The following TMEM74 variants were observed in gnomAD, a reference collection of about 807,000 sequenced individuals.
TMEM74 encodes transmembrane protein 74.
Under a neutral mutation model 18.1 loss-of-function variants are expected in TMEM74, and 13 were observed. The observed-to-expected ratio is 0.72, with a 90% CI of 0.47 to 1.14. The LOEUF (loss-of-function observed/expected upper bound fraction) is 1.14. TMEM74 is among the 50% of genes most tolerant of loss of function. TMEM74 has a pLI of 0.00. For missense variants in TMEM74, 372 were observed against 375.9 expected (o/e 0.99, Z 0.09); for synonymous variants, 159 against 146.6 (o/e 1.08, Z -0.61).
At chr8:108,775,273 C>T (rs1332622078), downstream of TMEM74, among the ~76,000 whole-genome samples, 1 of 152,156 alleles carries the variant, frequency 6.6e-6, no homozygotes, top group African/African-American at 2.4e-5. Flanking sequence ...CAAGGCCCCT[C>T]ATTCAAGGCC....
chr8:108,686,364 A>G (rs1396719001), intron 1 of TMEM74, among the ~76,000 whole-genome samples: 1 of 150,224 alleles, frequency 6.7e-6, no homozygotes, highest in East Asian at 1.9e-4. Flanking sequence ...GCGCCCGGCT[A>G]ATTTTTTTTT....
chr8:108,632,548 C>T (rs1025170779), intron 2 of TMEM74, among the ~76,000 whole-genome samples: 2 of 151,524 alleles, frequency 1.3e-5, no homozygotes, highest in African/African-American at 4.8e-5. Context: ...ATTTCAAGGA[C>T]CATGATTAAA....
intron 1 of TMEM74, among the ~76,000 whole-genome samples, chr8:108,764,917 A>G (rs928026829): frequency 6.6e-6 from 1 of 152,186 alleles, no homozygotes; most frequent in Non-Finnish European, 1.5e-5. Flanking sequence ...CAGCTGCAGA[A>G]AATCCATAAG....
At chr8:108,680,676 C>A (rs982682615) in intron 1 of TMEM74, among the ~76,000 whole-genome samples, 1 of 152,016 alleles carries the variant, frequency 6.6e-6, no homozygotes, top group Non-Finnish European at 1.5e-5. Context: ...GGCAATTAGG[C>A]GGGAGAAGGA....
intron 1 of TMEM74, among the ~76,000 whole-genome samples, chr8:108,657,926 G>A (rs1469356785): frequency 9.4e-5 from 11 of 116,452 alleles, no homozygotes; most frequent in African/African-American, 3.9e-4. Flanking sequence ...TATATTTCGA[G>A]AAGTCCAAGG....
At chr8:108,670,164 T>C (rs985259887) in intron 1 of TMEM74, among the ~76,000 whole-genome samples, 11 of 152,174 alleles carry the variant, frequency 7.2e-5, no homozygotes, top group Non-Finnish European at 1.6e-4. Flanking sequence ...ACTCTGAATC[T>C]GGATAAATTA....
intron 1 of TMEM74, among the ~76,000 whole-genome samples, chr8:108,666,785 G>A (rs944538165): frequency 2.6e-5 from 4 of 151,988 alleles, no homozygotes; most frequent in Admixed American, 6.6e-5. Flanking sequence ...GCAACTAACC[G>A]ACCAGACAGA....
At chr8:108,706,043 G>A (rs1321521775) in intron 1 of TMEM74, among the ~76,000 whole-genome samples, 1 of 152,202 alleles carries the variant, frequency 6.6e-6, no homozygotes, top group African/African-American at 2.4e-5. Flanking sequence ...GTGGCTGTAG[G>A]CAGAGGACTG....
intron 1 of TMEM74, among the ~76,000 whole-genome samples, chr8:108,740,502 T>G (rs557819416): frequency 3.9e-4 from 59 of 152,344 alleles, no homozygotes; most frequent in African/African-American, 1.3e-3. Flanking sequence ...TTCATTGCAC[T>G]TTGCTTTATA....
At chr8:108,657,672 A>G (rs1586249822) in intron 1 of TMEM74, among the ~76,000 whole-genome samples, 2 of 150,822 alleles carry the variant, frequency 1.3e-5, no homozygotes, top group South Asian at 2.1e-4. Flanking sequence ...GTGAAACCCC[A>G]TCTGTACTAA....
At chr8:108,686,700 T>C (rs1158683104) in intron 1 of TMEM74, among the ~76,000 whole-genome samples, 1 of 152,036 alleles carries the variant, frequency 6.6e-6, no homozygotes, top group Non-Finnish European at 1.5e-5. Flanking sequence ...AATAGAAAAC[T>C]TCACCTTGGC....
intron 1 of TMEM74, among the ~76,000 whole-genome samples, chr8:108,764,858 A>G (rs1223408491): frequency 1.3e-5 from 2 of 152,178 alleles, no homozygotes; most frequent in African/African-American, 2.4e-5. Flanking sequence ...AACTTAAGGA[A>G]TAAGATTAGT....
intron 2 of TMEM74, chr8:108,626,821 AC>A (rs1812499021): frequency 6.6e-6 from 1 of 151,986 alleles, no homozygotes; most frequent in Non-Finnish European, 1.5e-5. Context: ...CATTTTATCA[AC>A]ACTTCATACT....
chr8:108,616,838 G>T (rs961914886), intron 2 of TMEM74, among the ~76,000 whole-genome samples: 1 of 151,938 alleles, frequency 6.6e-6, no homozygotes, highest in Non-Finnish European at 1.5e-5. Context: ...TATTGTTCTT[G>T]TAAAATTCTG....
At chr8:108,747,148 A>T (rs2130650109) in intron 1 of TMEM74, among the ~76,000 whole-genome samples, 1 of 152,090 alleles carries the variant, frequency 6.6e-6, no homozygotes, top group South Asian at 2.1e-4. Flanking sequence ...TGAGCCCTCA[A>T]CCTGTTGGGA....
chr8:108,608,624 G>A (rs1019749702), intron 3 of TMEM74: 2 of 152,178 alleles, frequency 1.3e-5, no homozygotes, highest in Non-Finnish European at 2.9e-5. Flanking sequence ...GTCAAAATAG[G>A]CTACTTCAAC....
At chr8:108,622,016 A>T (rs935842000) in intron 2 of TMEM74, among the ~76,000 whole-genome samples, 10 of 152,130 alleles carry the variant, frequency 6.6e-5, no homozygotes, top group Admixed American at 5.2e-4. Flanking sequence ...TTTCTCTTAC[A>T]TTCCACAACC....
rs77029827 is a variant in TMEM74, at chr8:108,665,842, T to A, written n.120-10405A>T. ...GAGATGGAGAAGTTGTTCTAAAGGA[T>A]ACTTGATTCAAAACAATATGCTTGC... On this transcript the variant is annotated intron_variant and non_coding_transcript_variant, in intron 1 of 3. Coordinates refer to the TMEM74 transcript ENST00000518838. Among the ~76,000 whole-genome samples the A allele has an allele frequency of 3.3e-3, 496 of 152,290 alleles. 2 individuals carry two copies. Among genetic ancestry groups the A allele is most frequent in the African/African-American group, 0.01 (428 of 41,580 alleles).
chr8:108,668,189 T>G (rs77444232), intron 1 of TMEM74, among the ~76,000 whole-genome samples: 4,472 of 152,236 alleles, frequency 0.029, 122 homozygotes, highest in African/African-American at 0.066. Context: ...CTCCTCAGTA[T>G]GTTCATAAAT....
Sources: gnomAD v4.1 joint callset for allele counts (sites outside exome capture counted in the v4.1 genomes callset) on GRCh38, gnomAD v4.1.1 for gene constraint, MANE v1.5 for transcripts, NCBI Gene and HGNC (gene_info 2026-07-23, HGNC 2026-07-21) for gene names.